Variants in DYSF observed in about 807,000 individuals in gnomAD.
DYSF encodes the protein dystrophy-associated fer-1-like 1.
A neutral mutation model predicts 274.9 loss-of-function variants in DYSF; 212 were observed. The observed-to-expected ratio is 0.77, with a 90% CI of 0.69 to 0.86. The LOEUF (loss-of-function observed/expected upper bound fraction) is 0.86, where lower values mean the gene tolerates loss of function less well. Among genes scored for constraint, DYSF ranks in the 40% least tolerant of loss-of-function variants. The pLI, the probability that DYSF is intolerant of heterozygous loss-of-function variation, is 0.00. For missense variants in DYSF, 2,666 were observed against 2,783.2 expected (o/e 0.96, Z 0.95); for synonymous variants, 1,091 against 1,078.7 (o/e 1.01, Z -0.22).
chr2:71,574,511 T>A, intron 30 of DYSF, 140 bp downstream of exon 30: 1 of 1,062,320 alleles, frequency 9.4e-7, no homozygotes, highest in Non-Finnish European at 1.3e-6. Context: ...CTGGCGTCAG[T>A]ACCTGTGGGG....
intron 7 of DYSF, among the ~76,000 whole-genome samples, 170 bp from the exon 8 acceptor site, chr2:71,515,453 G>C (rs1432224119): frequency 6.6e-6 from 1 of 152,102 alleles, no homozygotes; most frequent in African/African-American, 2.4e-5. Context: ...AAGGGGCCTT[G>C]GTGGGAAAAT....
intron 6 of DYSF, 117 bp from the exon 7 acceptor site, chr2:71,513,599 G>A: frequency 9.6e-7 from 1 of 1,045,940 alleles, no homozygotes; most frequent in Middle Eastern, 2.9e-4. Context: ...GAGGAAGAGG[G>A]GATGAGTCTT....
intron 17 of DYSF, 49 bp from the exon 18 acceptor site, chr2:71,550,992 G>C (rs1018323246): frequency 1.9e-6 from 3 of 1,548,918 alleles, no homozygotes; most frequent in Non-Finnish European, 2.7e-6. Flanking sequence ...GTGGAGCATT[G>C]GGAAGCCCCA....
At chr2:71,492,507 C>A (rs2083943571) in intron 3 of DYSF, among the ~76,000 whole-genome samples, 1 of 152,126 alleles carries the variant, frequency 6.6e-6, no homozygotes, top group Admixed American at 6.5e-5. Context: ...CGCTTTTCTT[C>A]ATTTCAAAGA....
intron 1 of DYSF, among the ~76,000 whole-genome samples, chr2:71,477,912 A>T (rs1186982132): frequency 6.6e-6 from 1 of 152,344 alleles, no homozygotes; most frequent in African/African-American, 2.4e-5. Context: ...TTTTCTTCAT[A>T]GACATCAATC....
At position 71,547,754 on chromosome 2, in the gene DYSF, T is replaced by C. The variant is rs1191707337; in HGVS notation, c.1577-3287T>C. 2.0e-5 allele frequency among the ~76,000 whole-genome samples: 3 copies of C among 152,150 alleles called. 1 individual carries two copies. In the South Asian group the frequency reaches 6.2e-4, roughly 32 times the overall value. ...GATCCTCTGAGCCACCAGAGCCATG[T>C]GTTGGTCAGATGGCCGATGGGATTA... is the stretch of plus-strand genomic sequence containing the variant. On this transcript the variant is annotated intron_variant, in intron 17 of 55. Coordinates refer to ENST00000410020, the MANE Select transcript of DYSF (RefSeq NM_001130987.2).
intron 41 of DYSF, among the ~76,000 whole-genome samples, chr2:71,637,435 A>AG (rs1191821674): frequency 2.0e-5 from 3 of 152,148 alleles, no homozygotes. Context: ...TTTAGGAGAA[A>AG]GGAAGCAGGG....
At chr2:71,498,351 G>A (rs1203104653) in intron 3 of DYSF, among the ~76,000 whole-genome samples, 2 of 152,226 alleles carry the variant, frequency 1.3e-5, no homozygotes, top group Non-Finnish European at 2.9e-5. Flanking sequence ...GGGAATAGGA[G>A]TGCTGATTTG....
intron 12 of DYSF, among the ~76,000 whole-genome samples, chr2:71,523,781 G>C (rs2152745571): frequency 6.6e-6 from 1 of 152,172 alleles, no homozygotes; most frequent in South Asian, 2.1e-4. Context: ...TCCTGACCTT[G>C]TGATCCACTC....
chr2:71,684,376 C>T (rs1189654991), intron 55 of DYSF, among the ~76,000 whole-genome samples: 2 of 152,200 alleles, frequency 1.3e-5, no homozygotes, highest in African/African-American at 4.8e-5. Context: ...CCCAGCCTGC[C>T]TCAAGCTCCT....
chr2:71,506,183 G>C (rs1311492093), intron 4 of DYSF, among the ~76,000 whole-genome samples: 1 of 152,118 alleles, frequency 6.6e-6, no homozygotes, highest in East Asian at 1.9e-4. Flanking sequence ...AGCTGTGGTC[G>C]AGGAAGTAGG....
At chr2:71,531,508 C>T (rs1383788380) in intron 14 of DYSF, among the ~76,000 whole-genome samples, 1 of 151,690 alleles carries the variant, frequency 6.6e-6, no homozygotes, top group Non-Finnish European at 1.5e-5. Context: ...ATGACATGTC[C>T]ATGATCAAAG....
intron 1 of DYSF, among the ~76,000 whole-genome samples, chr2:71,477,680 G>A (rs1365018031): frequency 1.3e-5 from 2 of 152,202 alleles, no homozygotes; most frequent in Non-Finnish European, 1.5e-5. Context: ...ATCATACGTG[G>A]GTGAAAGATT....
chr2:71,644,928 C>CATTGG (rs2152925655), intron 42 of DYSF, among the ~76,000 whole-genome samples: 1 of 152,268 alleles, frequency 6.6e-6, no homozygotes, highest in South Asian at 2.1e-4. Context: ...GAAAAGTTCC[C>CATTGG]TTATCCCCCT....
At chr2:71,665,382 T>C in intron 47 of DYSF, 78 bp downstream of exon 47, 1 of 1,594,854 alleles carries the variant, frequency 6.3e-7, no homozygotes, top group South Asian at 1.1e-5. Flanking sequence ...TCTGCTACCA[T>C]AAAAGACCCA....
chr2:71,652,421 A>G (rs1419444784), intron 42 of DYSF, among the ~76,000 whole-genome samples: 2 of 152,240 alleles, frequency 1.3e-5, no homozygotes, highest in Non-Finnish European at 2.9e-5. Context: ...ACCCAGTAAG[A>G]TGGCAGCAAC....
At chr2:71,512,207 G>C (rs1241491778) in intron 5 of DYSF, among the ~76,000 whole-genome samples, 1 of 152,204 alleles carries the variant, frequency 6.6e-6, no homozygotes, top group African/African-American at 2.4e-5. Flanking sequence ...CTGAGCCCAG[G>C]CTGGGTGTTC....
In DYSF at chr2:71,600,831, C is replaced by T. The variant is rs727503911; in HGVS notation, c.3886C>T (p.Gln1296Ter). The T allele has an allele frequency of 3.4e-5, 54 of 1,611,624 alleles. No individual in the cohort carries two copies. The highest frequency in any genetic ancestry group is 4.4e-5 in the Non-Finnish European group (52 of 1,180,028). The change falls in exon 34 of 56, where the codon CAG (glutamine) becomes TAG (stop). Residue 1296 changes from glutamine (Q) to a stop codon, truncating the protein, a stop_gained. Coordinates refer to ENST00000410020, the MANE Select transcript of DYSF (RefSeq NM_001130987.2). LOFTEE classifies it high-confidence loss of function. ...GELLASFELI[Q>*]REKPAIHHIP... ...GCTGCTGGCCTCTTTTGAGCTCATCCAGAGAGAGAAGGTGAGGCTGGTCTA... is the reference window on the plus strand; with the variant it reads ...GCTGCTGGCCTCTTTTGAGCTCATCTAGAGAGAGAAGGTGAGGCTGGTCTA...
At position 71,613,406 on chromosome 2, in the gene DYSF, T is replaced by G; in HGVS notation, c.4460T>G (p.Ile1487Ser). Residue 1487 changes from isoleucine (I) to serine (S), a missense_variant, in exon 40 of 56, where the codon ATC (isoleucine) becomes AGC (serine). Physicochemically the swap from Ile to Ser is moderately radical, Grantham distance 142 (BLOSUM62 -2). Transcript: ENST00000410020. ...GATGACAAGGAGCCCCTCATCCCCATCCAGGTAGGATGGGCATCCTCCAGG... is the reference window on the plus strand; with the variant it reads ...GATGACAAGGAGCCCCTCATCCCCAGCCAGGTAGGATGGGCATCCTCCAGG... ...DIDDKEPLIP[I>S]QLADGLSSLA... 2 of 1,612,432 alleles carry G rather than the reference T, an allele frequency of 1.2e-6. No homozygotes were observed. Among genetic ancestry groups the G allele is most frequent in the Non-Finnish European group, 1.7e-6 (2 of 1,179,360 alleles).
Sources: gnomAD v4.1 joint callset for allele counts (sites outside exome capture counted in the v4.1 genomes callset) on GRCh38, gnomAD v4.1.1 for gene constraint, MANE v1.5 for transcripts, NCBI Gene and HGNC (gene_info 2026-07-23, HGNC 2026-07-21) for gene names.